The following COLEC10 variants were observed in gnomAD, a reference collection of about 807,000 sequenced individuals.
COLEC10 encodes collectin subfamily member 10.
In COLEC10, 22 loss-of-function variants were observed where a neutral mutation model predicts 28.4. That is an observed-to-expected ratio of 0.78 (90% CI 0.55 to 1.11). The LOEUF is 1.11. COLEC10 is among the 50% of genes least tolerant of loss of function. COLEC10 has a pLI of 0.00. For synonymous variants in COLEC10, 125 were observed against 116.1 expected (o/e 1.08, Z -0.49); for missense variants, 361 against 344.1 (o/e 1.05, Z -0.39).
chr8:119,102,361 A>G lies in COLEC10; in HGVS notation c.306A>G (p.Glu102=), dbSNP rs750664217. The change falls in exon 4 of 6, where the codon GAA becomes GAG. Residue 102 remains glutamate (E), a synonymous_variant. Transcript: ENST00000332843. ...GTTTTTTTTCAGGTGACAAAGGGGA[A>G]AAAGGTTTGCTTGGAATACCTGGAG... ...GPIGKKGDKG[E]KGLLGIPGEK... is the part of the protein sequence containing the mutation. 4 of 1,607,432 alleles carry G rather than the reference A, an allele frequency of 2.5e-6. No individual in the cohort carries two copies. Among genetic ancestry groups the G allele is most frequent in the African/African-American group, 2.7e-5 (2 of 74,514 alleles).
chr8:118,992,280 G>A (rs1460918567), upstream of COLEC10, among the ~76,000 whole-genome samples: 2 of 152,084 alleles, frequency 1.3e-5, no homozygotes, highest in African/African-American at 4.8e-5. Flanking sequence ...TAACCTGTCA[G>A]TGTGCTCTTC....
rs1224044075 is a variant in COLEC10 at position 119,024,959 on chromosome 8, C to T, written n.235+15406C>T. On this transcript the variant is annotated intron_variant and non_coding_transcript_variant, in intron 2 of 6. Transcript: ENST00000521788. ...AAGAGATCCGGGCAAGATAATAGAC[C>T]TGTAATTCCCTCCACCCAGTTACAA... Among the ~76,000 whole-genome samples the T allele has an allele frequency of 2.0e-5, 3 of 152,092 alleles. No homozygotes were observed. The East Asian group carries it at 5.8e-4, about 29-fold the overall frequency.
At position 119,106,342 on chromosome 8, in the gene COLEC10, C is replaced by T. The variant is rs1049809929; in HGVS notation, c.*151C>T. 6.6e-5 allele frequency: 48 copies of T among 722,316 alleles called. No homozygotes were observed. Among genetic ancestry groups the T allele is most frequent in the Admixed American group, 1.4e-4 (5 of 35,786 alleles). The allele number at this position is 722,316 out of a possible 1,614,324, so 44.7% of individuals were successfully genotyped here. A position where few individuals can be genotyped will look rare whatever the true frequency, so the allele number is the denominator to read the frequency against. Reference sequence around the variant, plus strand: ...GGTATGGAGCCTCCATCATCATGCTCTTTTGTGATGATTTTCATATTTTCA... The same window carrying T: ...GGTATGGAGCCTCCATCATCATGCTTTTTTGTGATGATTTTCATATTTTCA... On this transcript the variant is annotated 3_prime_UTR_variant, in exon 6 of 6. Coordinates refer to ENST00000332843, the MANE Select transcript of COLEC10 (RefSeq NM_006438.5).
intron 5 of COLEC10, among the ~76,000 whole-genome samples, 198 bp from the exon 6 acceptor site, chr8:119,105,602 G>A (rs1195313529): frequency 6.6e-6 from 1 of 152,060 alleles, no homozygotes; most frequent in Non-Finnish European, 1.5e-5. Flanking sequence ...AAGGAAGGGA[G>A]AACAAACGGT....
Position 119,060,307 on chromosome 8 carries a change from T to C in COLEC10, n.236-29373T>C, listed in dbSNP as rs376948893. 9.2e-5 allele frequency among the ~76,000 whole-genome samples: 14 copies of C among 152,138 alleles called. No individual in the cohort carries two copies. In the East Asian group the frequency reaches 1.5e-3, roughly 17 times the overall value. The stretch of plus-strand genomic sequence containing the variant: ...AGAGAATTGTGAAAACTATCTATCA[T>C]TGGAAACAACAGAAAGATGTAAGTT... On this transcript the variant is annotated intron_variant and non_coding_transcript_variant, in intron 2 of 6. Transcript: ENST00000521788.
intron 2 of COLEC10, among the ~76,000 whole-genome samples, chr8:119,010,883 G>A (rs1181115071): frequency 6.6e-6 from 1 of 150,950 alleles, no homozygotes. Flanking sequence ...AGAGTTCTTT[G>A]TATATTTTGG....
intron 2 of COLEC10, among the ~76,000 whole-genome samples, chr8:119,038,890 A>G (rs368187318): frequency 3.9e-5 from 6 of 152,068 alleles, no homozygotes; most frequent in African/African-American, 1.4e-4. Flanking sequence ...CTCCAGTCAC[A>G]TTAGCCTTTT....
intron 2 of COLEC10, among the ~76,000 whole-genome samples, chr8:119,030,212 A>G (rs1489258086): frequency 6.6e-6 from 1 of 152,218 alleles, no homozygotes; most frequent in Non-Finnish European, 1.5e-5. Flanking sequence ...TAGGAATATC[A>G]GGTATGTAGA....
chr8:119,032,552 C>T (rs1814308023), intron 2 of COLEC10, among the ~76,000 whole-genome samples: 1 of 152,160 alleles, frequency 6.6e-6, no homozygotes, highest in South Asian at 2.1e-4. Flanking sequence ...CATCTCTTTA[C>T]AAGAGGAGGA....
At chr8:118,991,554 C>A (rs918412696), upstream of COLEC10, among the ~76,000 whole-genome samples, 1 of 152,094 alleles carries the variant, frequency 6.6e-6, no homozygotes, top group Non-Finnish European at 1.5e-5. Flanking sequence ...GAATGCAAAC[C>A]AGTGGAGTCT....
chr8:119,049,401 CTTTTTTTTTTTTTTTTTTTT>C (rs34885340), intron 2 of COLEC10, among the ~76,000 whole-genome samples: 3 of 60,080 alleles, frequency 5.0e-5, no homozygotes, highest in Non-Finnish European at 8.6e-5. Flanking sequence ...ATTTTCTTTT[CTTTTTTTTTTTTTTTTTTTT>C]TTTTTTTTTT....
chr8:118,963,975 T>C, the COLEC10 span, among the ~76,000 whole-genome samples: 1 of 152,144 alleles, frequency 6.6e-6, no homozygotes, highest in African/African-American at 2.4e-5. Context: ...GACAAATGAA[T>C]GCATACACCA....
At chr8:119,044,157 T>C (rs116977522) in intron 2 of COLEC10, among the ~76,000 whole-genome samples, 2,566 of 152,350 alleles carry the variant, frequency 0.017, 30 homozygotes, top group Middle Eastern at 0.027. Context: ...AATAGTGTCC[T>C]CATTTACTTT....
At position 119,107,588 on chromosome 8, in the gene COLEC10, T is replaced by C. The variant is rs1486053711; in HGVS notation, c.*1397T>C. Among the ~76,000 whole-genome samples the C allele has an allele frequency of 6.6e-6, 1 of 152,154 alleles. No individual in the cohort carries two copies. The highest frequency in any genetic ancestry group is 1.5e-5 in the Non-Finnish European group (1 of 68,032). On this transcript the variant is annotated 3_prime_UTR_variant, in exon 6 of 6. Coordinates refer to ENST00000332843, the MANE Select transcript of COLEC10 (RefSeq NM_006438.5). ...GTTCATGATTTCACCCGTGACTAAC[T>C]GGTTATGAGATAGGACTTAATTAGG...
chr8:119,004,562 T>TTTG (rs1813755886), intron 1 of COLEC10, among the ~76,000 whole-genome samples: 1 of 150,560 alleles, frequency 6.6e-6, no homozygotes, highest in Non-Finnish European at 1.5e-5. Flanking sequence ...CAAGCATATA[T>TTTG]ATCACCAAAT....
intron 2 of COLEC10, among the ~76,000 whole-genome samples, chr8:119,013,745 C>T (rs1262815053): frequency 1.3e-5 from 2 of 150,596 alleles, no homozygotes; most frequent in Non-Finnish European, 3.0e-5. Flanking sequence ...TAATTACTCT[C>T]CCTGCTTTAA....
At chr8:119,092,277 A>G (rs1815622976) in intron 3 of COLEC10, among the ~76,000 whole-genome samples, 1 of 151,988 alleles carries the variant, frequency 6.6e-6, no homozygotes, top group Non-Finnish European at 1.5e-5. Context: ...TCTCTGTGCT[A>G]GCCAAGATGG....
chr8:119,079,155 T>A (rs1322248084), intron 1 of COLEC10, among the ~76,000 whole-genome samples: 2 of 152,090 alleles, frequency 1.3e-5, no homozygotes, highest in African/African-American at 4.8e-5. Flanking sequence ...AAATTCCTCA[T>A]GGCCCCTTGG....
chr8:119,078,167 A>T (rs1404140992), intron 1 of COLEC10, among the ~76,000 whole-genome samples: 1 of 152,220 alleles, frequency 6.6e-6, no homozygotes, highest in Non-Finnish European at 1.5e-5. Context: ...ATTACATTTC[A>T]GCATGAGATT....
Sources: allele counts gnomAD v4.1 joint callset (sites outside exome capture counted in the v4.1 genomes callset), GRCh38; gene constraint gnomAD v4.1.1; transcripts MANE v1.5; gene names NCBI Gene and HGNC (gene_info 2026-07-23, HGNC 2026-07-21).